The following DIAPH3 variants were observed in gnomAD, a reference collection of about 807,000 sequenced individuals.
DIAPH3 encodes protein diaphanous homolog 3.
In DIAPH3, 117 loss-of-function variants were observed where a neutral mutation model predicts 144.3. The ratio of observed to expected loss-of-function variants is 0.81; its 90% CI spans 0.70 to 0.95. The LOEUF (loss-of-function observed/expected upper bound fraction) is 0.95, where lower values mean the gene tolerates loss of function less well. DIAPH3 is among the 40% of genes least tolerant of loss of function. The pLI is 0.00. For synonymous variants in DIAPH3, 519 were observed against 488.9 expected (o/e 1.06, Z -0.81); for missense variants, 1,421 against 1,412.7 (o/e 1.01, Z -0.09).
At chr13:59,725,920 A>G (rs968612999) in intron 27 of DIAPH3, among the ~76,000 whole-genome samples, 1 of 152,218 alleles carries the variant, frequency 6.6e-6, no homozygotes, top group African/African-American at 2.4e-5. Context: ...GAGAGAGGGG[A>G]AAAATAGCAT....
chr13:59,864,135 T>C (rs752729521), intron 21 of DIAPH3, among the ~76,000 whole-genome samples: 2 of 152,102 alleles, frequency 1.3e-5, no homozygotes, highest in African/African-American at 2.4e-5. Context: ...AATCATTCTA[T>C]GGGCTTCTGT....
chr13:59,773,439 A>T (rs926033488), intron 27 of DIAPH3, among the ~76,000 whole-genome samples: 12 of 152,202 alleles, frequency 7.9e-5, no homozygotes, highest in African/African-American at 2.9e-4. Context: ...TACATTTATA[A>T]ATCTGGCAAA....
chr13:59,966,104 T>A (rs78552143), intron 17 of DIAPH3, among the ~76,000 whole-genome samples: 13 of 151,730 alleles, frequency 8.6e-5, no homozygotes, highest in African/African-American at 3.1e-4. Flanking sequence ...TAAAAGAAAA[T>A]GATGTAAGTG....
At chr13:59,847,669 T>C (rs1211414355) in intron 22 of DIAPH3, among the ~76,000 whole-genome samples, 2 of 152,214 alleles carry the variant, frequency 1.3e-5, no homozygotes, top group Non-Finnish European at 2.9e-5. Context: ...TCTGTGTACA[T>C]GTACATGGGA....
intron 14 of DIAPH3, among the ~76,000 whole-genome samples, chr13:59,977,346 G>GAATGAATGACAAGCAA (rs148096784): frequency 4.0e-4 from 61 of 151,942 alleles, no homozygotes; most frequent in Non-Finnish European, 7.8e-4. Context: ...GCAATACTTT[G>GAATGAATGACAAGCAA]TAAGGGGCAC....
chr13:59,981,082 T>C (rs2050975538), intron 13 of DIAPH3, among the ~76,000 whole-genome samples: 1 of 151,380 alleles, frequency 6.6e-6, no homozygotes, highest in Admixed American at 6.6e-5. Flanking sequence ...ATAACAATTT[T>C]AAACTTCTAG....
chr13:60,001,857 A>AC (rs1293956110), intron 9 of DIAPH3, among the ~76,000 whole-genome samples: 13 of 152,316 alleles, frequency 8.5e-5, no homozygotes, highest in Admixed American at 5.2e-4. Context: ...AAAAAAACTG[A>AC]CTTACTATGT....
chr13:60,040,479 T>C (rs193006948), intron 5 of DIAPH3, among the ~76,000 whole-genome samples: 105 of 152,294 alleles, frequency 6.9e-4, no homozygotes, highest in African/African-American at 2.5e-3. Flanking sequence ...AATTTCCCAG[T>C]GTTTTTAGGT....
At chr13:60,053,178 C>G (rs1396759490) in intron 4 of DIAPH3, among the ~76,000 whole-genome samples, 2 of 151,576 alleles carry the variant, frequency 1.3e-5, no homozygotes, top group African/African-American at 2.4e-5. Flanking sequence ...CTTTTAAGAA[C>G]AGCTCTTGTA....
chr13:60,000,884 T>A (rs1268513747), intron 9 of DIAPH3, among the ~76,000 whole-genome samples: 2 of 152,164 alleles, frequency 1.3e-5, no homozygotes, highest in Admixed American at 1.3e-4. Flanking sequence ...TTTCATTCCA[T>A]TCAATCTACA....
At chr13:59,851,464 C>T (rs1331124932) in intron 22 of DIAPH3, among the ~76,000 whole-genome samples, 1 of 152,142 alleles carries the variant, frequency 6.6e-6, no homozygotes, top group African/African-American at 2.4e-5. Flanking sequence ...CCCTGGCATG[C>T]CAGAGTCAGA....
chr13:59,998,893 C>T (rs1046279481), intron 9 of DIAPH3, among the ~76,000 whole-genome samples: 5 of 152,164 alleles, frequency 3.3e-5, no homozygotes, highest in Non-Finnish European at 5.9e-5. Flanking sequence ...AAGCCTTTTA[C>T]TAATAGTCTG....
Position 60,163,626 on chromosome 13 carries a change from GGGC to G in DIAPH3, c.138_140del (p.Pro47del). The G allele has an allele frequency of 6.2e-7, 1 of 1,605,194 alleles. No homozygotes were observed. The highest frequency in any genetic ancestry group is 8.5e-7 in the Non-Finnish European group (1 of 1,173,672). ...TCTCCCCAGGCTCCTCGGGGCCACT[GGGC>G]GGCGGAGGGTGTTGGGGGCCCTTCC... On this transcript the variant is annotated inframe_deletion, in exon 1 of 28. Transcript: ENST00000400324.
At chr13:59,884,131 A>G (rs1232224571) in intron 20 of DIAPH3, among the ~76,000 whole-genome samples, 6 of 152,200 alleles carry the variant, frequency 3.9e-5, no homozygotes, top group African/African-American at 1.4e-4. Flanking sequence ...ATCAGTAGTG[A>G]CATTAGATTC....
chr13:60,051,720 C>T (rs549284397), intron 4 of DIAPH3, among the ~76,000 whole-genome samples: 1 of 152,220 alleles, frequency 6.6e-6, no homozygotes, highest in Non-Finnish European at 1.5e-5. Context: ...GAAAGTTTAT[C>T]ACTGTAAAAA....
At chr13:59,844,827 C>T (rs2042546102) in intron 22 of DIAPH3, among the ~76,000 whole-genome samples, 1 of 152,126 alleles carries the variant, frequency 6.6e-6, no homozygotes, top group Non-Finnish European at 1.5e-5. Context: ...CCAACCTGCT[C>T]CCTATGTGTA....
chr13:59,952,235 G>A (rs1177763553), intron 17 of DIAPH3, among the ~76,000 whole-genome samples: 3 of 152,108 alleles, frequency 2.0e-5, no homozygotes, highest in African/African-American at 4.8e-5. Flanking sequence ...TGATTGCCAG[G>A]GGCTAGGGGA....
chr13:60,009,124 C>A, intron 8 of DIAPH3, among the ~76,000 whole-genome samples: 1 of 152,040 alleles, frequency 6.6e-6, no homozygotes, highest in East Asian at 1.9e-4. Context: ...TTATGCCTCA[C>A]AAGTTTAAGT....
intron 27 of DIAPH3, among the ~76,000 whole-genome samples, chr13:59,681,507 CT>C (rs1354656970): frequency 7.9e-5 from 12 of 151,974 alleles, no homozygotes; most frequent in African/African-American, 2.9e-4. Flanking sequence ...AAATTTTCAA[CT>C]ATAACACAAT....
Sources: allele counts gnomAD v4.1 joint callset (sites outside exome capture counted in the v4.1 genomes callset), GRCh38; gene constraint gnomAD v4.1.1; transcripts MANE v1.5; gene names NCBI Gene and HGNC (gene_info 2026-07-23, HGNC 2026-07-21).